FSTL5: variants seen among roughly 807,000 people sequenced by gnomAD.
FSTL5 encodes follistatin-related protein 5.
Under a neutral mutation model 89.1 loss-of-function variants are expected in FSTL5, and 62 were observed. The observed-to-expected ratio is 0.70, with a 90% CI of 0.57 to 0.86. The LOEUF is 0.86. FSTL5 is among the 40% of genes least tolerant of loss of function. FSTL5 has a pLI of 0.00. For missense variants in FSTL5, 1,057 were observed against 1,001.6 expected, an observed-to-expected ratio of 1.06 and a Z score of -0.75; for synonymous variants, 383 against 346.2, an observed-to-expected ratio of 1.11 and a Z score of -1.18.
intron 4 of FSTL5, among the ~76,000 whole-genome samples, chr4:161,834,965 A>C (rs1342212123): frequency 6.8e-6 from 1 of 147,844 alleles, no homozygotes; most frequent in South Asian, 2.1e-4. Flanking sequence ...TAAAGTTCAT[A>C]TGACACCAAA....
At chr4:161,524,683 G>A (rs779324255) in intron 10 of FSTL5, among the ~76,000 whole-genome samples, 2 of 152,082 alleles carry the variant, frequency 1.3e-5, no homozygotes, top group Non-Finnish European at 2.9e-5. Context: ...CGCTGGCCTG[G>A]GAACGGTGGC....
chr4:162,144,122 T>C (rs1732877435), intron 1 of FSTL5, among the ~76,000 whole-genome samples: 1 of 152,130 alleles, frequency 6.6e-6, no homozygotes. Context: ...CGAGGCTTCA[T>C]TGGCCTTAGT....
intron 6 of FSTL5, among the ~76,000 whole-genome samples, chr4:161,753,486 C>T (rs1304191857): frequency 6.6e-6 from 1 of 152,118 alleles, no homozygotes; most frequent in Non-Finnish European, 1.5e-5. Context: ...ACTGTTGCTT[C>T]TTTGGTTCTG....
At chr4:161,452,839 G>A (rs1733219637) in intron 15 of FSTL5, among the ~76,000 whole-genome samples, 1 of 151,984 alleles carries the variant, frequency 6.6e-6, no homozygotes, top group African/African-American at 2.4e-5. Context: ...TTCCTCAAAG[G>A]AATAAAATGA....
At chr4:161,763,717 T>C (rs1438791952) in intron 5 of FSTL5, among the ~76,000 whole-genome samples, 1 of 152,196 alleles carries the variant, frequency 6.6e-6, no homozygotes, top group Admixed American at 6.5e-5. Flanking sequence ...AAACTAATCA[T>C]GATCATGTTG....
At chr4:162,131,758 C>T (rs566934872) in intron 1 of FSTL5, among the ~76,000 whole-genome samples, 1 of 152,196 alleles carries the variant, frequency 6.6e-6, no homozygotes, top group African/African-American at 2.4e-5. Context: ...TGACACTGCT[C>T]GATGCTAGTT....
intron 4 of FSTL5, among the ~76,000 whole-genome samples, chr4:161,777,239 T>C (rs1401209586): frequency 4.7e-5 from 2 of 42,790 alleles, no homozygotes; most frequent in Admixed American, 4.1e-4. Flanking sequence ...TAATATTTCA[T>C]TGTGTATATA....
intron 1 of FSTL5, among the ~76,000 whole-genome samples, chr4:162,131,016 C>T (rs1046524941): frequency 2.6e-5 from 4 of 151,948 alleles, no homozygotes; most frequent in East Asian, 3.9e-4. Context: ...TATTTTCTGG[C>T]CCAAATACTT....
intron 13 of FSTL5, among the ~76,000 whole-genome samples, chr4:161,472,015 T>C (rs1296224791): frequency 8.6e-5 from 13 of 151,702 alleles, no homozygotes; most frequent in Admixed American, 3.3e-4. Context: ...CTCGCTCTGT[T>C]GCCCAGGCTG....
rs183399089 is a variant in FSTL5 at position 161,973,742 on chromosome 4, C to G, written c.161-53090G>C. On this transcript the variant is annotated intron_variant, in intron 3 of 15. Transcript: ENST00000306100. ...ACAAGAGAGTGGAAAAATCTTAACTCTGTGTGCTGTAATAAGACCCAGCTT... is the reference window on the plus strand; with the variant it reads ...ACAAGAGAGTGGAAAAATCTTAACTGTGTGTGCTGTAATAAGACCCAGCTT... 9.9e-5 allele frequency among the ~76,000 whole-genome samples: 15 copies of G among 152,240 alleles called. No individual in the cohort carries two copies. The East Asian group carries it at 2.9e-3, about 30-fold the overall frequency.
intron 2 of FSTL5, among the ~76,000 whole-genome samples, chr4:162,098,002 G>A (rs1222692057): frequency 6.6e-6 from 1 of 151,836 alleles, no homozygotes; most frequent in Non-Finnish European, 1.5e-5. Context: ...ATTGCATAAG[G>A]ATGTCCATAG....
intron 4 of FSTL5, among the ~76,000 whole-genome samples, chr4:161,905,510 CTCAT>C (rs1031284704): frequency 2.6e-4 from 38 of 145,902 alleles, no homozygotes; most frequent in Admixed American, 4.3e-4. Flanking sequence ...TGAGTATGTG[CTCAT>C]TTATTTATTT....
intron 2 of FSTL5, among the ~76,000 whole-genome samples, chr4:162,057,304 G>A (rs1205556454): frequency 6.6e-6 from 1 of 152,156 alleles, no homozygotes; most frequent in Non-Finnish European, 1.5e-5. Context: ...ACTCATGGAA[G>A]GCTCTATTCT....
At chr4:161,392,164 G>C (rs1462623369) in intron 15 of FSTL5, among the ~76,000 whole-genome samples, 1 of 152,066 alleles carries the variant, frequency 6.6e-6, no homozygotes, top group Non-Finnish European at 1.5e-5. Flanking sequence ...TAGTATTGCA[G>C]TATAAAGGTC....
intron 15 of FSTL5, among the ~76,000 whole-genome samples, chr4:161,421,332 G>C (rs1253860426): frequency 7.3e-6 from 1 of 136,178 alleles, no homozygotes; most frequent in South Asian, 2.6e-4. Flanking sequence ...CAGAGCAAAA[G>C]ACTGTCTCAA....
chr4:161,855,132 G>C (rs1281882554), intron 4 of FSTL5, among the ~76,000 whole-genome samples: 1 of 151,806 alleles, frequency 6.6e-6, no homozygotes, highest in Non-Finnish European at 1.5e-5. Context: ...AAAGAGAAGA[G>C]AGTCTGATTA....
At chr4:162,093,006 T>C (rs1346821726) in intron 2 of FSTL5, among the ~76,000 whole-genome samples, 4 of 146,096 alleles carry the variant, frequency 2.7e-5, no homozygotes, top group Non-Finnish European at 6.0e-5. Flanking sequence ...CCAGTAGTAG[T>C]ATAGGGGCTT....
chr4:162,075,511 A>T (rs1439936629), intron 2 of FSTL5, among the ~76,000 whole-genome samples: 1 of 151,902 alleles, frequency 6.6e-6, no homozygotes, highest in East Asian at 2.0e-4. Flanking sequence ...TTTGGTCATC[A>T]ATGTTCATGA....
chr4:161,872,042 AGTGCAGTGGT>A (rs1732279424), intron 4 of FSTL5, among the ~76,000 whole-genome samples: 1 of 149,168 alleles, frequency 6.7e-6, no homozygotes, highest in Non-Finnish European at 1.5e-5. Context: ...CCCAGGCCTG[AGTGCAGTGGT>A]GTGATCTCGG....
Sources: allele counts gnomAD v4.1 joint callset (sites outside exome capture counted in the v4.1 genomes callset), GRCh38; gene constraint gnomAD v4.1.1; transcripts MANE v1.5; gene names NCBI Gene and HGNC (gene_info 2026-07-23, HGNC 2026-07-21).